FNDC3A: variants seen among roughly 807,000 people sequenced by gnomAD.
The protein encoded by FNDC3A is fibronectin type-III domain-containing protein 3A.
A neutral mutation model predicts 148.9 loss-of-function variants in FNDC3A; 32 were observed. That is an observed-to-expected ratio of 0.21 (90% CI 0.16 to 0.29). The LOEUF (loss-of-function observed/expected upper bound fraction) is 0.29, where lower values mean the gene tolerates loss of function less well. Ranked by LOEUF, FNDC3A falls within the 10% of genes least tolerant of loss-of-function variation. The pLI is 1.00. For missense variants in FNDC3A, 1,191 were observed against 1,452.8 expected (o/e 0.82, Z 2.93); for synonymous variants, 472 against 473.6 (o/e 1.00, Z 0.04).
intron 2 of FNDC3A, among the ~76,000 whole-genome samples, chr13:49,015,998 G>C (rs562408238): frequency 1.4e-5 from 2 of 139,016 alleles, no homozygotes; most frequent in Non-Finnish European, 3.2e-5. Context: ...TGCTGGATTC[G>C]GTTTGCCAGT....
At chr13:49,205,859 C>T (rs1886619895) in intron 25 of FNDC3A, among the ~76,000 whole-genome samples, 1 of 152,032 alleles carries the variant, frequency 6.6e-6, no homozygotes, top group Non-Finnish European at 1.5e-5. Context: ...TTATTAAGTA[C>T]CTACTATATG....
chr13:49,001,107 A>C (rs528928634), intron 1 of FNDC3A, among the ~76,000 whole-genome samples: 1 of 152,320 alleles, frequency 6.6e-6, no homozygotes, highest in Non-Finnish European at 1.5e-5. Context: ...TGGAGGGATC[A>C]GCTGAAGCCA....
At chr13:49,073,281 A>C (rs879476038) in intron 2 of FNDC3A, among the ~76,000 whole-genome samples, 10 of 152,214 alleles carry the variant, frequency 6.6e-5, no homozygotes, top group Non-Finnish European at 1.2e-4. Context: ...GGTTCATACA[A>C]ATCATTAAAA....
At chr13:49,002,948 T>A (rs1413579715) in intron 1 of FNDC3A, among the ~76,000 whole-genome samples, 1 of 152,224 alleles carries the variant, frequency 6.6e-6, no homozygotes, top group Non-Finnish European at 1.5e-5. Context: ...ATATTCAACC[T>A]TGGTAGATAA....
intron 2 of FNDC3A, among the ~76,000 whole-genome samples, chr13:49,052,923 C>A (rs1253438980): frequency 6.6e-6 from 1 of 152,106 alleles, no homozygotes; most frequent in Non-Finnish European, 1.5e-5. Flanking sequence ...GGGTGTGGTT[C>A]CCAGTCCAAT....
In FNDC3A at chr13:49,057,981, C is replaced by CT. The variant is rs372651746; in HGVS notation, c.100-17307dup. On this transcript the variant is annotated intron_variant, in intron 2 of 25. Coordinates refer to ENST00000492622, the MANE Select transcript of FNDC3A (RefSeq NM_001079673.2). ...AAGTCCTAACCCCTAGTACCTCAGACTGTGCCTAAGTTTAGAGATTAGATC... is the reference window on the plus strand; with the variant it reads ...AAGTCCTAACCCCTAGTACCTCAGACTTGTGCCTAAGTTTAGAGATTAGATC... Among the ~76,000 whole-genome samples the CT allele has an allele frequency of 1.8e-4, 27 of 152,228 alleles. 1 individual carries two copies. The East Asian group carries it at 5.2e-3, about 29-fold the overall frequency.
At chr13:49,104,410 G>C (rs1042330015) in intron 3 of FNDC3A, among the ~76,000 whole-genome samples, 1 of 152,162 alleles carries the variant, frequency 6.6e-6, no homozygotes, top group African/African-American at 2.4e-5. Context: ...TGTAGTCCCA[G>C]CTACTCGGGA....
intron 2 of FNDC3A, among the ~76,000 whole-genome samples, chr13:49,053,394 A>G (rs1875993171): frequency 1.3e-5 from 2 of 152,304 alleles, no homozygotes; most frequent in Non-Finnish European, 2.9e-5. Context: ...AACAGTTTAG[A>G]AATTTATTTC....
At chr13:49,105,426 GAT>G (rs1381957155) in intron 3 of FNDC3A, among the ~76,000 whole-genome samples, 1 of 152,190 alleles carries the variant, frequency 6.6e-6, no homozygotes, top group African/African-American at 2.4e-5. Context: ...CTCTCTAAGA[GAT>G]AGCATTAGAT....
At chr13:49,070,866 C>A in intron 2 of FNDC3A, among the ~76,000 whole-genome samples, 1 of 148,100 alleles carries the variant, frequency 6.8e-6, no homozygotes. Flanking sequence ...CATTTTGCCA[C>A]AGATAACAGG....
At chr13:48,992,081 A>C (rs1047466137) in intron 1 of FNDC3A, among the ~76,000 whole-genome samples, 6 of 152,356 alleles carry the variant, frequency 3.9e-5, no homozygotes, top group African/African-American at 1.4e-4. Context: ...AAGTCCAAAA[A>C]TTGTAAGTTG....
intron 10 of FNDC3A, 133 bp downstream of exon 10, chr13:49,168,884 G>T (rs1884618513): frequency 2.5e-6 from 2 of 794,434 alleles, no homozygotes; most frequent in South Asian, 3.5e-5. Flanking sequence ...AGACACAAAT[G>T]CCTATTTAAT....
chr13:49,145,742 T>A (rs1254428076), intron 7 of FNDC3A, 36 bp from the exon 8 acceptor site: 2 of 1,577,180 alleles, frequency 1.3e-6, no homozygotes, highest in Admixed American at 3.4e-5. Flanking sequence ...ACATTACAGT[T>A]GTTTTAAAGA....
intron 1 of FNDC3A, among the ~76,000 whole-genome samples, chr13:48,981,713 T>C (rs1227049591): frequency 6.6e-6 from 1 of 152,128 alleles, no homozygotes; most frequent in Non-Finnish European, 1.5e-5. Flanking sequence ...AGATCTCTTA[T>C]GTGCTAGTTG....
At chr13:49,189,642 G>A (rs1885779803) in intron 17 of FNDC3A, among the ~76,000 whole-genome samples, 1 of 152,032 alleles carries the variant, frequency 6.6e-6, no homozygotes, top group Admixed American at 6.6e-5. Flanking sequence ...ATGTGCAACT[G>A]AGTGTGAGTC....
At position 49,138,611 on chromosome 13, in the gene FNDC3A, A is replaced by T. The variant is rs1882514249; in HGVS notation, c.761-136A>T. ...AATGCTGAAGGGCCACAAACTGCTG[A>T]GTATGAACAAAGGAATAAAAACTAG... On this transcript the variant is annotated intron_variant, in intron 6 of 25. Coordinates refer to ENST00000492622, the MANE Select transcript of FNDC3A (RefSeq NM_001079673.2). The T allele has an allele frequency of 7.5e-5, 39 of 522,738 alleles. No homozygotes were observed. The South Asian group carries it at 1.2e-3, about 16-fold the overall frequency. 32.4% of individuals were successfully genotyped at this position (522,738 alleles called of 1,614,324 possible).
At chr13:49,076,023 C>T (rs973799436) in intron 3 of FNDC3A, among the ~76,000 whole-genome samples, 1 of 151,882 alleles carries the variant, frequency 6.6e-6, no homozygotes. Flanking sequence ...AGCCACTCAC[C>T]CTCACTTATT....
At chr13:49,151,015 T>C (rs1883260363) in intron 8 of FNDC3A, among the ~76,000 whole-genome samples, 1 of 152,170 alleles carries the variant, frequency 6.6e-6, no homozygotes, top group African/African-American at 2.4e-5. Context: ...TAAAGAATGT[T>C]TCATGTTTCA....
At chr13:48,991,816 A>T (rs1181537981) in intron 1 of FNDC3A, among the ~76,000 whole-genome samples, 1 of 152,242 alleles carries the variant, frequency 6.6e-6, no homozygotes, top group East Asian at 1.9e-4. Context: ...CCTGGTTAAA[A>T]TATGTCAGAA....
Sources: allele counts gnomAD v4.1 joint callset (sites outside exome capture counted in the v4.1 genomes callset), GRCh38; gene constraint gnomAD v4.1.1; transcripts MANE v1.5; gene names NCBI Gene and HGNC (gene_info 2026-07-23, HGNC 2026-07-21).